The following CTNNA2 variants were observed in gnomAD, a reference collection of about 807,000 sequenced individuals.
CTNNA2 encodes catenin alpha 2, also known as catenin alpha-2.
Under a neutral mutation model 101.0 loss-of-function variants are expected in CTNNA2, and 42 were observed. The observed-to-expected ratio is 0.42, with a 90% CI of 0.32 to 0.54. CTNNA2 has a LOEUF of 0.54. CTNNA2 is among the 20% of genes least tolerant of loss of function. The pLI, the probability that CTNNA2 is intolerant of heterozygous loss-of-function variation, is 0.14. For missense variants in CTNNA2, 871 were observed against 1,223.1 expected (o/e 0.71, Z 4.29); for synonymous variants, 450 against 456.4 (o/e 0.99, Z 0.18).
At chr2:79,430,605 C>G (rs896507691) in intron 4 of CTNNA2, among the ~76,000 whole-genome samples, 1 of 152,092 alleles carries the variant, frequency 6.6e-6, no homozygotes, top group Non-Finnish European at 1.5e-5. Flanking sequence ...ACTCATCTAG[C>G]CTTTTTGCAT....
At chr2:79,850,765 A>C (rs56164844) in intron 3 of CTNNA2, among the ~76,000 whole-genome samples, 8 of 152,298 alleles carry the variant, frequency 5.3e-5, no homozygotes, top group African/African-American at 1.9e-4. Context: ...CACTTCCTTC[A>C]TCAGATTCTC....
Position 79,804,050 on chromosome 2 carries a change from C to T in CTNNA2, c.299-53963C>T, listed in dbSNP as rs1279503524. 3.3e-5 allele frequency among the ~76,000 whole-genome samples: 5 copies of T among 152,186 alleles called. No individual in the cohort carries two copies. In the East Asian group the frequency reaches 9.6e-4, roughly 29 times the overall value. ...AGTTTCTCAAATCAAGACATAATTC[C>T]ATTATAGTTCATCAGAAAGTTGTTT... On this transcript the variant is annotated intron_variant, in intron 3 of 18. Transcript: ENST00000402739.
intron 9 of CTNNA2, among the ~76,000 whole-genome samples, chr2:80,480,466 G>A (rs1344085047): frequency 6.6e-6 from 1 of 151,954 alleles, no homozygotes; most frequent in Non-Finnish European, 1.5e-5. Context: ...CAATTCCTAT[G>A]TTTATCTCAT....
chr2:79,697,705 C>T (rs1283728823), intron 2 of CTNNA2: 1 of 151,942 alleles, frequency 6.6e-6, no homozygotes, highest in Non-Finnish European at 1.5e-5. Context: ...TCCTTTGGTT[C>T]CTAAAATAAG....
intron 17 of CTNNA2, chr2:80,608,563 T>G (rs1698212723): frequency 1.2e-5 from 4 of 320,292 alleles, no homozygotes; most frequent in Non-Finnish European, 2.3e-5. Flanking sequence ...GAAAACTAAT[T>G]TTGTAGTCTG....
At chr2:80,388,708 A>C (rs765675319) in intron 7 of CTNNA2, among the ~76,000 whole-genome samples, 25 of 152,220 alleles carry the variant, frequency 1.6e-4, no homozygotes, top group Non-Finnish European at 2.1e-4. Flanking sequence ...TGACTGACTT[A>C]ACACCACACA....
chr2:79,329,003 G>T (rs558099429), intron 3 of CTNNA2, among the ~76,000 whole-genome samples: 2 of 152,202 alleles, frequency 1.3e-5, no homozygotes, highest in South Asian at 4.1e-4. Flanking sequence ...GTGTCTATGT[G>T]TCCAAACTTT....
intron 3 of CTNNA2, among the ~76,000 whole-genome samples, chr2:79,813,618 A>G (rs1677222148): frequency 6.6e-6 from 1 of 152,170 alleles, no homozygotes; most frequent in African/African-American, 2.4e-5. Context: ...CTAGAGCTAA[A>G]GAGAGGTCTG....
chr2:79,615,322 T>G (rs1434001177), intron 1 of CTNNA2, among the ~76,000 whole-genome samples: 1 of 152,188 alleles, frequency 6.6e-6, no homozygotes, highest in Non-Finnish European at 1.5e-5. Flanking sequence ...ATTTAATATC[T>G]GTTAAATTTT....
intron 1 of CTNNA2, among the ~76,000 whole-genome samples, chr2:79,603,323 T>A (rs1677668836): frequency 6.6e-6 from 1 of 152,144 alleles, no homozygotes; most frequent in Admixed American, 6.5e-5. Flanking sequence ...ATCCTTAAGA[T>A]CCTGAATTAG....
At chr2:80,606,234 G>A (rs1697990605) in intron 16 of CTNNA2, among the ~76,000 whole-genome samples, 1 of 151,672 alleles carries the variant, frequency 6.6e-6, no homozygotes, top group South Asian at 2.1e-4. Context: ...GTATTTCTCG[G>A]CATCTTTAGG....
chr2:80,572,915 C>G (rs1694723440), intron 12 of CTNNA2: 2 of 152,122 alleles, frequency 1.3e-5, no homozygotes, highest in African/African-American at 4.8e-5. Flanking sequence ...CTGCTGTCTC[C>G]CCCTCCTTTT....
Position 80,389,038 on chromosome 2 carries a change from G to T in CTNNA2, c.1057-4173G>T, listed in dbSNP as rs144082470. Among the ~76,000 whole-genome samples the T allele has an allele frequency of 2.4e-3, 364 of 152,278 alleles. 2 individuals carry two copies. Among genetic ancestry groups the T allele is most frequent in the African/African-American group, 8.2e-3 (342 of 41,566 alleles). ...CAAATATTGCCTTTTTAAAGGGAGA[G>T]AACTTTTTCTTTAGGGATACCAGTT... On this transcript the variant is annotated intron_variant, in intron 7 of 18. Coordinates refer to ENST00000402739, the MANE Select transcript of CTNNA2 (RefSeq NM_001282597.3).
intron 4 of CTNNA2, among the ~76,000 whole-genome samples, chr2:79,465,013 T>C (rs1001358784): frequency 6.6e-6 from 1 of 152,220 alleles, no homozygotes; most frequent in Non-Finnish European, 1.5e-5. Flanking sequence ...CAATTTTGGC[T>C]TTTGTTGCCA....
At chr2:79,951,565 G>A (rs1156814095) in intron 7 of CTNNA2, among the ~76,000 whole-genome samples, 1 of 151,944 alleles carries the variant, frequency 6.6e-6, no homozygotes, top group African/African-American at 2.4e-5. Flanking sequence ...CATGGGAAAC[G>A]GAGGCAGGAG....
At chr2:79,933,145 A>G (rs182051268) in intron 7 of CTNNA2, among the ~76,000 whole-genome samples, 12 of 152,308 alleles carry the variant, frequency 7.9e-5, no homozygotes, top group Admixed American at 6.5e-4. Context: ...CATCACCACT[A>G]CCACCATAAT....
chr2:79,356,004 G>C (rs752183502), intron 3 of CTNNA2, among the ~76,000 whole-genome samples: 1 of 151,682 alleles, frequency 6.6e-6, no homozygotes, highest in African/African-American at 2.4e-5. Context: ...ATAACTCTTT[G>C]TATAACCACG....
chr2:79,744,669 C>A, intron 3 of CTNNA2, 87 bp downstream of exon 3: 1 of 1,276,188 alleles, frequency 7.8e-7, no homozygotes, highest in Non-Finnish European at 1.1e-6. Context: ...GATATTTACT[C>A]AAAGAAGAAG....
chr2:80,429,153 AC>A lies in CTNNA2; in HGVS notation c.1290+9554del, dbSNP rs370975428. Among the ~76,000 whole-genome samples, 106 of 152,272 alleles carry A rather than the reference AC, an allele frequency of 7.0e-4. 1 individual carries two copies. Among genetic ancestry groups the A allele is most frequent in the Middle Eastern group, 3.4e-3 (1 of 294 alleles). On this transcript the variant is annotated intron_variant, in intron 9 of 18. Transcript: ENST00000402739. ...AAGAATTCCCCAATTCTTAAACCCT[AC>A]CATATTTTGTAAGGTTTTCTATAAT...
Sources: gnomAD v4.1 joint callset for allele counts (sites outside exome capture counted in the v4.1 genomes callset) on GRCh38, gnomAD v4.1.1 for gene constraint, MANE v1.5 for transcripts, NCBI Gene and HGNC (gene_info 2026-07-23, HGNC 2026-07-21) for gene names.